CD33: variants seen among roughly 807,000 people sequenced by gnomAD.
CD33 encodes the protein CD33 molecule.
CD33 carries 25 observed loss-of-function variants against 31.4 expected under a neutral mutation model. The observed-to-expected ratio is 0.80, with a 90% CI of 0.58 to 1.11. The LOEUF (loss-of-function observed/expected upper bound fraction) is 1.11. Among genes scored for constraint, CD33 ranks in the 50% most tolerant of loss-of-function variants. The pLI is 0.00. For missense variants in CD33, 407 were observed against 448.1 expected (o/e 0.91, Z 0.83); for synonymous variants, 176 against 180.6 (o/e 0.97, Z 0.20).
chr19:51,232,023 A>G (rs943500788), intron 4 of CD33, among the ~76,000 whole-genome samples: 3 of 151,878 alleles, frequency 2.0e-5, no homozygotes, highest in Admixed American at 6.6e-5. Flanking sequence ...TCACCTCCCA[A>G]TGTGCTGGGA....
rs1980936963 is a variant in CD33, at chr19:51,225,519, T to C, written c.339T>C (p.Asn113=). The change falls in exon 2 of 7, where the codon AAT becomes AAC. Residue 113 remains asparagine (N), a synonymous_variant. Coordinates refer to ENST00000262262, the MANE Select transcript of CD33 (RefSeq NM_001772.4). ...TCGTAGACGCCAGGAGGAGGGATAA[T>C]GGTTCATACTTCTTTCGGATGGAGA... ...LSIVDARRRD[N]GSYFFRMERG... 1 of 1,608,334 alleles carries C rather than the reference T, an allele frequency of 6.2e-7. No homozygotes were observed.
intron 6 of CD33, chr19:51,236,108 ACATAGCACCACTG>A: frequency 2.2e-6 from 1 of 453,722 alleles, no homozygotes; most frequent in African/African-American, 2.0e-5. Flanking sequence ...TAGTGAGCCG[ACATAGCACCACTG>A]CACTCCAGCC....
rs1329603999 is a variant in CD33 at position 51,225,444 on chromosome 19, C to A, written c.264C>A (p.Gly88=). The A allele has an allele frequency of 6.2e-7, 1 of 1,613,998 alleles. No individual in the cohort carries two copies. Among genetic ancestry groups the A allele is most frequent in the Non-Finnish European group, 8.5e-7 (1 of 1,179,984 alleles). Reference sequence around the variant, plus strand: ...AAGAAGTACAGGAGGAGACTCAGGGCAGATTCCGCCTCCTTGGGGATCCCA... The same window carrying A: ...AAGAAGTACAGGAGGAGACTCAGGGAAGATTCCGCCTCCTTGGGGATCCCA... ...LDQEVQEETQ[G]RFRLLGDPSR... The change falls in exon 2 of 7, where the codon GGC becomes GGA. Residue 88 remains glycine (G), a synonymous_variant. Transcript: ENST00000262262.
the CD33 span, among the ~76,000 whole-genome samples, chr19:51,213,488 T>G: frequency 7.9e-5 from 12 of 152,122 alleles, no homozygotes; most frequent in Non-Finnish European, 1.5e-5. Flanking sequence ...CTTGCAAAAA[T>G]TCTCATTTTT....
intron 6 of CD33, 179 bp downstream of exon 6, chr19:51,235,855 G>T (rs1981750403): frequency 1.4e-6 from 1 of 718,232 alleles, no homozygotes; most frequent in Non-Finnish European, 2.5e-6. Context: ...GGAGATGATG[G>T]CCATTGAAAA....
At chr19:51,235,995 A>G (rs1409765665) in intron 6 of CD33, 9 of 600,872 alleles carry the variant, frequency 1.5e-5, no homozygotes, top group Non-Finnish European at 3.0e-6. Flanking sequence ...CGTCTCTACT[A>G]AAAATACAAA....
chr19:51,224,201 G>A (rs1980828003), upstream of CD33, among the ~76,000 whole-genome samples: 1 of 151,920 alleles, frequency 6.6e-6, no homozygotes, highest in African/African-American at 2.4e-5. Flanking sequence ...GAGTCTCTTT[G>A]TTGTGCTTAT....
chr19:51,218,411 A>G, the CD33 span, among the ~76,000 whole-genome samples: 3 of 152,128 alleles, frequency 2.0e-5, no homozygotes, highest in Non-Finnish European at 4.4e-5. Flanking sequence ...AGTTTCTTGT[A>G]CATTCTGGAT....
At chr19:51,237,960 T>G (rs1039288711) in intron 6 of CD33, 3 of 152,256 alleles carry the variant, frequency 2.0e-5, no homozygotes, top group Non-Finnish European at 2.9e-5. Flanking sequence ...CGGATACATC[T>G]TGAAGGTGGA....
intron 4 of CD33, among the ~76,000 whole-genome samples, chr19:51,231,601 ATG>A (rs1491037363): frequency 0.04 from 5,378 of 133,880 alleles, 331 homozygotes; most frequent in African/African-American, 0.15. Flanking sequence ...TGGTTGGCTG[ATG>A]TTTTTTTTTT....
At chr19:51,224,207 C>T (rs1980828852), upstream of CD33, among the ~76,000 whole-genome samples, 1 of 151,872 alleles carries the variant, frequency 6.6e-6, no homozygotes. Context: ...CTTTGTTGTG[C>T]TTATCTGGGA....
At chr19:51,230,887 A>G (rs747611571) in intron 4 of CD33, among the ~76,000 whole-genome samples, 4 of 151,992 alleles carry the variant, frequency 2.6e-5, no homozygotes, top group African/African-American at 7.2e-5. Context: ...CTCGTGGCCT[A>G]TGGAACACCA....
chr19:51,213,764 G>A, the CD33 span, among the ~76,000 whole-genome samples: 2 of 151,244 alleles, frequency 1.3e-5, no homozygotes, highest in African/African-American at 4.9e-5. Context: ...TCGAACTCCT[G>A]ACCTCAAGTA....
Position 51,225,142 on chromosome 19 carries a change from C to A in CD33, c.24C>A (p.Pro8=). The change falls in exon 1 of 7, where the codon CCC becomes CCA. Residue 8 remains proline, a synonymous_variant. Transcript: ENST00000262262. ...ACATGCCGCTGCTGCTACTGCTGCC[C>A]CTGCTGTGGGCAGGTGAGTGGCTGT... MPLLLLL[P]LLWAGALAMD... The A allele has an allele frequency of 6.2e-7, 1 of 1,613,864 alleles. No individual in the cohort carries two copies. Among genetic ancestry groups the A allele is most frequent in the Non-Finnish European group, 8.5e-7 (1 of 1,180,012 alleles).
At chr19:51,237,238 A>G (rs905314876) in intron 6 of CD33, 1 of 152,218 alleles carries the variant, frequency 6.6e-6, no homozygotes, top group Admixed American at 6.5e-5. Context: ...ACCAGCACCC[A>G]TTCATTCTGA....
At chr19:51,211,954 C>T in the CD33 span, 1 of 1,285,828 alleles carries the variant, frequency 7.8e-7, no homozygotes, top group Non-Finnish European at 1.1e-6. Context: ...ACCCTCCACT[C>T]CTCAGTGCTC....
chr19:51,214,240 C>T, the CD33 span, among the ~76,000 whole-genome samples: 1 of 146,922 alleles, frequency 6.8e-6, no homozygotes, highest in African/African-American at 2.5e-5. Flanking sequence ...ACTCTGTCAC[C>T]CAGGCTGGAG....
the CD33 span, among the ~76,000 whole-genome samples, chr19:51,213,048 G>A: frequency 7.9e-5 from 12 of 152,128 alleles, no homozygotes; most frequent in Non-Finnish European, 2.9e-5. Flanking sequence ...GTTCCTAAAC[G>A]CAAAATAGCT....
In CD33 at chr19:51,227,301, C is replaced by G. The variant is rs532136932; in HGVS notation, c.745+945C>G. 2.6e-5 allele frequency among the ~76,000 whole-genome samples: 4 copies of G among 152,236 alleles called. No individual in the cohort carries two copies. The South Asian group carries it at 8.3e-4, about 32-fold the overall frequency. ...TTTTTTGAGAAACTTCCATACTCTT[C>G]TCCATAGTGGTTATACTAGTTTACA... On this transcript the variant is annotated intron_variant, in intron 4 of 6. Transcript: ENST00000262262.
Sources: allele counts gnomAD v4.1 joint callset (sites outside exome capture counted in the v4.1 genomes callset), GRCh38; gene constraint gnomAD v4.1.1; transcripts MANE v1.5; gene names NCBI Gene and HGNC (gene_info 2026-07-23, HGNC 2026-07-21).